The following ITGA1 variants were observed in gnomAD, a reference collection of about 807,000 sequenced individuals.
ITGA1 encodes integrin subunit alpha 1.
Under a neutral mutation model 145.9 loss-of-function variants are expected in ITGA1, and 85 were observed. The observed-to-expected ratio is 0.58, with a 90% CI of 0.49 to 0.70. ITGA1 has a LOEUF of 0.70. Ranked by LOEUF, ITGA1 falls within the 30% of genes least tolerant of loss-of-function variation. ITGA1 has a pLI of 0.00. For missense variants in ITGA1, 1,351 were observed against 1,418.7 expected (o/e 0.95, Z 0.77); for synonymous variants, 520 against 495.3 (o/e 1.05, Z -0.66).
intron 11 of ITGA1, among the ~76,000 whole-genome samples, chr5:52,900,098 G>A (rs963533042): frequency 3.9e-5 from 6 of 152,112 alleles, no homozygotes; most frequent in Non-Finnish European, 7.4e-5. Flanking sequence ...AGACAATAAT[G>A]AAACAAGCAA....
intron 14 of ITGA1, among the ~76,000 whole-genome samples, chr5:52,910,978 A>AGTATATATG (rs1750505405): frequency 7.8e-6 from 1 of 128,824 alleles, no homozygotes; most frequent in Non-Finnish European, 1.5e-5. Flanking sequence ...TACTATATAT[A>AGTATATATG]GTATGTATAC....
chr5:52,814,326 C>T (rs893771601), intron 1 of ITGA1, among the ~76,000 whole-genome samples: 5 of 151,980 alleles, frequency 3.3e-5, no homozygotes, highest in South Asian at 2.1e-4. Flanking sequence ...TTTGTATAGG[C>T]GGGTTTTCGC....
At chr5:52,919,945 G>A (rs994188069) in intron 16 of ITGA1, among the ~76,000 whole-genome samples, 41 of 151,854 alleles carry the variant, frequency 2.7e-4, no homozygotes, top group African/African-American at 9.7e-4. Flanking sequence ...TGTCCCTATT[G>A]AAATATAACA....
intron 7 of ITGA1, among the ~76,000 whole-genome samples, chr5:52,885,743 T>C (rs1750036301): frequency 6.6e-6 from 1 of 152,186 alleles, no homozygotes; most frequent in South Asian, 2.1e-4. Context: ...AATGACTTGA[T>C]TGGCTATAGC....
intron 7 of ITGA1, among the ~76,000 whole-genome samples, chr5:52,887,118 C>A (rs1181510262): frequency 6.6e-6 from 1 of 152,198 alleles, no homozygotes; most frequent in Non-Finnish European, 1.5e-5. Flanking sequence ...CTGCTCTCAG[C>A]AGCCTGTGTG....
At chr5:52,793,425 A>G (rs1441424470) in intron 1 of ITGA1, among the ~76,000 whole-genome samples, 1 of 152,058 alleles carries the variant, frequency 6.6e-6, no homozygotes, top group Non-Finnish European at 1.5e-5. Flanking sequence ...GGAAGACACC[A>G]TCAGTTGAAA....
At chr5:52,911,471 TATAG>T (rs1296207086) in intron 14 of ITGA1, among the ~76,000 whole-genome samples, 4 of 131,664 alleles carry the variant, frequency 3.0e-5, no homozygotes, top group African/African-American at 5.4e-5. Context: ...GTATCTAGTA[TATAG>T]ATACACTATA....
At chr5:52,919,194 C>T (rs943764107) in intron 16 of ITGA1, among the ~76,000 whole-genome samples, 3 of 152,074 alleles carry the variant, frequency 2.0e-5, no homozygotes, top group Non-Finnish European at 2.9e-5. Context: ...AAAAAAATAC[C>T]GATTCAGAGG....
intron 19 of ITGA1, among the ~76,000 whole-genome samples, chr5:52,926,969 T>C (rs948757394): frequency 1.3e-5 from 2 of 152,230 alleles, no homozygotes; most frequent in African/African-American, 2.4e-5. Context: ...AATTGCATTT[T>C]ACAATTGATA....
At chr5:52,897,417 T>C (rs1207561406) in intron 9 of ITGA1, 38 bp from the exon 10 acceptor site, 8 of 1,400,634 alleles carry the variant, frequency 5.7e-6, no homozygotes, top group Middle Eastern at 3.6e-4. Flanking sequence ...TGAAAAGGCA[T>C]TGTTACTTAT....
chr5:52,888,050 C>T, intron 8 of ITGA1, 85 bp downstream of exon 8: 1 of 1,377,186 alleles, frequency 7.3e-7, no homozygotes, highest in East Asian at 2.3e-5. Context: ...GAAAGTCACA[C>T]AAACCAGGTT....
At chr5:52,898,774 T>TA (rs1277332218) in intron 11 of ITGA1, among the ~76,000 whole-genome samples, 2 of 152,190 alleles carry the variant, frequency 1.3e-5, no homozygotes, top group Non-Finnish European at 2.9e-5. Context: ...CATATTGTCT[T>TA]AAATGTCTTC....
At chr5:52,864,641 T>A in intron 3 of ITGA1, 122 bp from the exon 4 acceptor site, 1 of 642,542 alleles carries the variant, frequency 1.6e-6, no homozygotes. Context: ...GACTAATTAG[T>A]TGAACCAAAA....
chr5:52,918,922 T>C, intron 16 of ITGA1, 24 bp downstream of exon 16: 2 of 1,563,472 alleles, frequency 1.3e-6, no homozygotes, highest in South Asian at 1.2e-5. Flanking sequence ...TTATAGCAAG[T>C]ACTTTTGGGT....
chr5:52,909,171 C>A, intron 13 of ITGA1, 130 bp downstream of exon 13: 1 of 854,150 alleles, frequency 1.2e-6, no homozygotes, highest in Non-Finnish European at 1.8e-6. Context: ...TCATTCACTC[C>A]ACCAACCCCT....
rs1373668661 is a variant in ITGA1 at position 52,939,677 on chromosome 5, C to T, written c.3166C>T (p.Arg1056Ter). 5.0e-6 allele frequency: 8 copies of T among 1,610,190 alleles called. No individual in the cohort carries two copies. The highest frequency in any genetic ancestry group is 6.8e-6 in the Non-Finnish European group (8 of 1,176,748). ...KMTTSTDHLK[R>*]GTILDCNTCK... ...GACTACATCAACTGACCATCTCAAA[C>T]GAGGCACAATTCTGGTAAATTAAGA... is the stretch of plus-strand genomic sequence containing the variant. The change falls in exon 25 of 29, where the codon CGA becomes TGA. Residue 1056 changes from arginine to a stop codon, truncating the protein, a stop_gained. Transcript: ENST00000282588. LOFTEE classifies it high-confidence loss of function.
intron 16 of ITGA1, among the ~76,000 whole-genome samples, chr5:52,919,336 T>A (rs1450470192): frequency 6.6e-6 from 1 of 152,138 alleles, no homozygotes; most frequent in Admixed American, 6.5e-5. Context: ...TACTTTACCA[T>A]TCCCACATTT....
In ITGA1 at chr5:52,800,073, A is replaced by G. The variant is rs1420922035; in HGVS notation, c.61+11659A>G. 9.1e-6 allele frequency: 3 copies of G among 329,866 alleles called. No individual in the cohort carries two copies. The East Asian group carries it at 2.1e-4, about 24-fold the overall frequency. 20.4% of individuals were successfully genotyped at this position (329,866 alleles called of 1,614,324 possible). A position where few individuals can be genotyped will look rare whatever the true frequency, so the allele number is the denominator to read the frequency against. ...CGGGAGACGTGCGTCGGGTCGCGGG[A>G]CGGGGGCTGCGCATGCGCCTTCATT... On this transcript the variant is annotated intron_variant, in intron 1 of 28. Coordinates refer to ENST00000282588, the MANE Select transcript of ITGA1 (RefSeq NM_181501.2).
Position 52,918,849 on chromosome 5 carries a change from G to A in ITGA1, c.2106G>A (p.Val702=), listed in dbSNP as rs751793035. The A allele has an allele frequency of 6.2e-7, 1 of 1,605,860 alleles. No homozygotes were observed. Residue 702 remains valine (V), a synonymous_variant, in exon 16 of 29, where the codon GTG becomes GTA. Coordinates refer to ENST00000282588, the MANE Select transcript of ITGA1 (RefSeq NM_181501.2). ...GKETVCINAT[V]CFDVKLKSKE... is the part of the protein sequence containing the mutation. ...AAACAGTATGCATAAATGCTACAGT[G>A]TGTTTTGATGTGAAATTAAAGTCTA...
Sources: allele counts gnomAD v4.1 joint callset (sites outside exome capture counted in the v4.1 genomes callset), GRCh38; gene constraint gnomAD v4.1.1; transcripts MANE v1.5; gene names NCBI Gene and HGNC (gene_info 2026-07-23, HGNC 2026-07-21).